SLIT3: variants seen among roughly 807,000 people sequenced by gnomAD.
The protein encoded by SLIT3 is slit guidance ligand 3.
A neutral mutation model predicts 184.0 loss-of-function variants in SLIT3; 68 were observed. The observed-to-expected ratio is 0.37, with a 90% CI of 0.30 to 0.45. The LOEUF (loss-of-function observed/expected upper bound fraction) is 0.45, where lower values mean the gene tolerates loss of function less well. Among genes scored for constraint, SLIT3 ranks in the 20% least tolerant of loss-of-function variants. The probability of loss-of-function intolerance (pLI) is 1.00; values close to 1 mark genes in which losing one functional copy is unlikely to be tolerated. For missense variants in SLIT3, 1,707 were observed against 2,026.0 expected, an observed-to-expected ratio of 0.84 and a Z score of 3.02; for synonymous variants, 831 against 828.6, an observed-to-expected ratio of 1.00 and a Z score of -0.05.
chr5:169,135,388 A>C (rs1459929961), intron 4 of SLIT3, among the ~76,000 whole-genome samples: 1 of 152,010 alleles, frequency 6.6e-6, no homozygotes, highest in African/African-American at 2.4e-5. Flanking sequence ...CTGGGATTAC[A>C]TACGTGAGCC....
At chr5:168,752,048 A>G (rs1754736646) in intron 18 of SLIT3, among the ~76,000 whole-genome samples, 1 of 152,008 alleles carries the variant, frequency 6.6e-6, no homozygotes, top group Admixed American at 6.6e-5. Context: ...TGCCAGTGAC[A>G]TCTTTTTAAA....
intron 4 of SLIT3, among the ~76,000 whole-genome samples, chr5:169,112,502 G>T (rs1170864234): frequency 6.6e-6 from 1 of 152,182 alleles, no homozygotes; most frequent in East Asian, 1.9e-4. Flanking sequence ...TGGAGGCTCT[G>T]GGGTCAGCAT....
At chr5:168,932,763 CTG>C (rs1429300125) in intron 4 of SLIT3, among the ~76,000 whole-genome samples, 1 of 152,212 alleles carries the variant, frequency 6.6e-6, no homozygotes, top group Non-Finnish European at 1.5e-5. Context: ...CGTAGGGCTT[CTG>C]TGAGAATTAA....
At chr5:169,137,883 C>T (rs1761581366) in intron 4 of SLIT3, among the ~76,000 whole-genome samples, 3 of 152,188 alleles carry the variant, frequency 2.0e-5, no homozygotes, top group African/African-American at 7.2e-5. Context: ...CTTTTATGAC[C>T]TTTTCCTCAT....
intron 4 of SLIT3, among the ~76,000 whole-genome samples, chr5:169,098,304 C>T (rs950241413): frequency 3.9e-5 from 6 of 152,200 alleles, no homozygotes; most frequent in South Asian, 4.1e-4. Context: ...AAATCACACA[C>T]GTGTGTGTAT....
chr5:169,255,201 G>A (rs1018181379), intron 1 of SLIT3, among the ~76,000 whole-genome samples: 1 of 152,172 alleles, frequency 6.6e-6, no homozygotes, highest in African/African-American at 2.4e-5. Flanking sequence ...ATGCCATACT[G>A]TTATCACTAT....
At chr5:169,167,644 T>C (rs1449899361) in intron 4 of SLIT3, among the ~76,000 whole-genome samples, 2 of 152,074 alleles carry the variant, frequency 1.3e-5, no homozygotes, top group Non-Finnish European at 2.9e-5. Flanking sequence ...ACTATGATCA[T>C]GCCCATTTCA....
At chr5:168,816,967 A>C (rs1757351401) in intron 8 of SLIT3, among the ~76,000 whole-genome samples, 1 of 152,230 alleles carries the variant, frequency 6.6e-6, no homozygotes, top group African/African-American at 2.4e-5. Context: ...CATGTTTAGC[A>C]GATGCTAGAA....
intron 35 of SLIT3, among the ~76,000 whole-genome samples, chr5:168,668,865 G>A (rs1761142078): frequency 6.6e-6 from 1 of 152,224 alleles, no homozygotes; most frequent in Non-Finnish European, 1.5e-5. Context: ...CGCCTCCTGG[G>A]TTCAAATGAT....
At chr5:169,182,228 A>T (rs1413930444) in intron 4 of SLIT3, among the ~76,000 whole-genome samples, 1 of 152,274 alleles carries the variant, frequency 6.6e-6, no homozygotes, top group African/African-American at 2.4e-5. Flanking sequence ...ACATCAGAAT[A>T]TTATTCTAAA....
chr5:169,188,990 A>T (rs944950974), intron 4 of SLIT3, among the ~76,000 whole-genome samples: 2 of 152,116 alleles, frequency 1.3e-5, no homozygotes, highest in African/African-American at 4.8e-5. Context: ...ACCATGATCT[A>T]CGTCAGGATG....
chr5:169,055,262 T>C (rs548252248), intron 4 of SLIT3, among the ~76,000 whole-genome samples: 1 of 152,326 alleles, frequency 6.6e-6, no homozygotes, highest in South Asian at 2.1e-4. Context: ...TGGAACTTTC[T>C]ATTGTAGATT....
chr5:168,752,214 A>G (rs1754741467), intron 18 of SLIT3, among the ~76,000 whole-genome samples: 1 of 152,070 alleles, frequency 6.6e-6, no homozygotes, highest in East Asian at 1.9e-4. Flanking sequence ...CTCATTCAGC[A>G]CTGTGACCAT....
chr5:168,665,875 T>C lies in SLIT3; in HGVS notation c.*579A>G, dbSNP rs945875923. The C allele has an allele frequency of 2.0e-5, 3 of 152,162 alleles. No homozygotes were observed. The highest frequency in any genetic ancestry group is 7.2e-5 in the African/African-American group (3 of 41,398). 9.4% of individuals were successfully genotyped at this position (152,162 alleles called of 1,614,324 possible). ...GCTTTTCCTGGAAGAACTGGGCATT[T>C]TGGGCACTGACATCCAGGACTCCGA... On this transcript the variant is annotated 3_prime_UTR_variant, in exon 36 of 36. Coordinates refer to ENST00000519560, the MANE Select transcript of SLIT3 (RefSeq NM_003062.4).
At chr5:169,122,800 A>C (rs914892346) in intron 4 of SLIT3, among the ~76,000 whole-genome samples, 11 of 152,152 alleles carry the variant, frequency 7.2e-5, no homozygotes, top group Non-Finnish European at 5.9e-5. Flanking sequence ...CTTCTCTCCC[A>C]GCCCATCCCC....
chr5:168,940,289 A>G (rs1762289695), intron 4 of SLIT3, among the ~76,000 whole-genome samples: 1 of 152,204 alleles, frequency 6.6e-6, no homozygotes, highest in African/African-American at 2.4e-5. Context: ...TGGTGCTTCT[A>G]TAGTTTGTCA....
intron 1 of SLIT3, among the ~76,000 whole-genome samples, chr5:169,262,996 T>C (rs2113616848): frequency 6.6e-6 from 1 of 152,264 alleles, no homozygotes; most frequent in Admixed American, 6.5e-5. Context: ...TCAGGTTAAA[T>C]TGAGGTCATT....
chr5:169,155,135 C>T (rs881014), intron 4 of SLIT3, among the ~76,000 whole-genome samples: 11,255 of 152,232 alleles, frequency 0.074, 1,408 homozygotes, highest in African/African-American at 0.25. Flanking sequence ...CTAGCGTCAG[C>T]AGCTAGTGTT....
chr5:169,174,327 T>C (rs1483782827), intron 4 of SLIT3, among the ~76,000 whole-genome samples: 4 of 152,162 alleles, frequency 2.6e-5, no homozygotes, highest in South Asian at 2.1e-4. Flanking sequence ...CAGACCCCCA[T>C]GAGACCACAC....
Sources: gnomAD v4.1 joint callset for allele counts (sites outside exome capture counted in the v4.1 genomes callset) on GRCh38, gnomAD v4.1.1 for gene constraint, MANE v1.5 for transcripts, NCBI Gene and HGNC (gene_info 2026-07-23, HGNC 2026-07-21) for gene names.